The following WIPI2 variants were observed in gnomAD, a reference collection of about 807,000 sequenced individuals.
The protein encoded by WIPI2 is WD repeat domain, phosphoinositide interacting 2.
In WIPI2, 28 loss-of-function variants were observed where a neutral mutation model predicts 52.3. The observed-to-expected ratio is 0.54, with a 90% CI of 0.40 to 0.73. WIPI2 has a LOEUF of 0.73. WIPI2 is among the 30% of genes least tolerant of loss of function. WIPI2 has a pLI of 0.00. For synonymous variants in WIPI2, 268 were observed against 245.0 expected (o/e 1.09, Z -0.88); for missense variants, 506 against 602.9 (o/e 0.84, Z 1.68).
intron 12 of WIPI2, among the ~76,000 whole-genome samples, 191 bp downstream of exon 12, chr7:5,229,929 CTTTTTTT>C (rs548650698): frequency 7.3e-6 from 1 of 137,900 alleles, no homozygotes. Context: ...GTTTCGTTTC[CTTTTTTT>C]TTTTTTTTTT....
chr7:5,227,156 G>A lies in WIPI2; in HGVS notation c.849-24G>A. ...CCCCCCAGGGAGGGTGCAGCTTCAT[G>A]TGTCTGGTGGCCTTTCCTTCCAGAC... On this transcript the variant is annotated intron_variant, in intron 9 of 12. Transcript: ENST00000288828. This position sits in a 1 kb window ranked among gnomAD's most constrained non-coding sequence, Gnocchi z 8.1. 1 of 1,613,384 alleles carries A rather than the reference G, an allele frequency of 6.2e-7. No homozygotes were observed. The highest frequency in any genetic ancestry group is 8.5e-7 in the Non-Finnish European group (1 of 1,179,864).
chr7:5,219,064 C>CTGTA (rs1782961023), intron 7 of WIPI2: 5 of 152,354 alleles, frequency 3.3e-5, no homozygotes, highest in African/African-American at 1.2e-4. Flanking sequence ...TCTTCAGTCT[C>CTGTA]ACACCCGAGT....
intron 7 of WIPI2, 129 bp from the exon 8 acceptor site, chr7:5,222,473 A>C (rs111974990): frequency 2.0e-5 from 19 of 945,756 alleles, no homozygotes; most frequent in Non-Finnish European, 2.9e-5. Flanking sequence ...GGGACCCCAG[A>C]CTCCTTGGTG....
chr7:5,203,770 C>T (rs1403211496), intron 3 of WIPI2, among the ~76,000 whole-genome samples: 1 of 149,096 alleles, frequency 6.7e-6, no homozygotes, highest in Non-Finnish European at 1.5e-5. Context: ...GTAGCGCCAC[C>T]ATGCCCGGCT....
intron 4 of WIPI2, 72 bp downstream of exon 4, chr7:5,214,776 C>G (rs927723053): frequency 1.3e-6 from 2 of 1,534,068 alleles, no homozygotes; most frequent in Non-Finnish European, 1.8e-6. Context: ...GCCCACCCCA[C>G]CGGCATGCCC....
chr7:5,228,780 G>GAGC (rs1490607446), intron 11 of WIPI2, among the ~76,000 whole-genome samples: 1 of 152,178 alleles, frequency 6.6e-6, no homozygotes, highest in Non-Finnish European at 1.5e-5. Flanking sequence ...CCAGGCTGGA[G>GAGC]AGCAGTGGTG....
intron 2 of WIPI2, chr7:5,193,375 T>C: frequency 7.4e-7 from 1 of 1,357,200 alleles, no homozygotes; most frequent in Non-Finnish European, 9.6e-7. Flanking sequence ...CTGTTTTAAA[T>C]GCCATGTCTA....
In WIPI2 at chr7:5,193,195, A is replaced by G. The variant is rs768328047; in HGVS notation, c.128+24A>G. 6.2e-6 allele frequency: 10 copies of G among 1,611,828 alleles called. No individual in the cohort carries two copies. The South Asian group carries it at 1.1e-4, about 18-fold the overall frequency. On this transcript the variant is annotated intron_variant, in intron 2 of 12. Coordinates refer to ENST00000288828, the MANE Select transcript of WIPI2 (RefSeq NM_015610.4). ...TGGTTAGTTCCAACCCTGGTTTCTG[A>G]AAGTATCACCTTGGAAGGCTTATGT...
At chr7:5,196,674 T>C (rs1781757773) in intron 2 of WIPI2, among the ~76,000 whole-genome samples, 1 of 152,152 alleles carries the variant, frequency 6.6e-6, no homozygotes, top group African/African-American at 2.4e-5. Flanking sequence ...AAGCTCATTT[T>C]ATACATAATG....
At chr7:5,226,261 C>G in intron 9 of WIPI2, 1 of 284,108 alleles carries the variant, frequency 3.5e-6, no homozygotes, top group East Asian at 8.3e-5. Context: ...ATCAGACAGC[C>G]CACTAGGGTG....
rs549020029 is a variant in WIPI2, at chr7:5,232,645, G to A, written c.*1698G>A. 16 of 241,488 alleles carry A rather than the reference G, an allele frequency of 6.6e-5. No individual in the cohort carries two copies. Among genetic ancestry groups the A allele is most frequent in the East Asian group, 2.3e-4 (3 of 13,144 alleles). The allele number at this position is 241,488 out of a possible 1,614,324, so 15.0% of individuals were successfully genotyped here. The stretch of plus-strand genomic sequence containing the variant: ...GCGGCAGCACGCAGCCTTGACCCAC[G>A]CCTGCGTCTTGTGGTGCAAGGCCAG... On this transcript the variant is annotated 3_prime_UTR_variant, in exon 13 of 13. Coordinates refer to ENST00000288828, the MANE Select transcript of WIPI2 (RefSeq NM_015610.4).
At chr7:5,205,096 C>T (rs1451799227) in intron 3 of WIPI2, among the ~76,000 whole-genome samples, 2 of 152,152 alleles carry the variant, frequency 1.3e-5, no homozygotes, top group African/African-American at 4.8e-5. Context: ...CTGCCTCAGC[C>T]TCCCAAGGAG....
intron 1 of WIPI2, 188 bp downstream of exon 1, chr7:5,190,681 G>A: frequency 2.2e-6 from 1 of 460,790 alleles, no homozygotes; most frequent in East Asian, 3.8e-5. Context: ...AGACCCTCGG[G>A]TGCTGGCCTG....
chr7:5,225,885 A>G lies in WIPI2; in HGVS notation c.803A>G (p.Asn268Ser). 1.2e-6 allele frequency: 2 copies of G among 1,614,008 alleles called. No homozygotes were observed. Among genetic ancestry groups the G allele is most frequent in the Non-Finnish European group, 1.7e-6 (2 of 1,179,998 alleles). The change falls in exon 9 of 13, where the codon AAC becomes AGC. Residue 268 changes from asparagine to serine, a missense_variant. Physicochemically the swap from Asn to Ser is conservative, Grantham distance 46. Around this residue, in one of 4 missense-constraint regions of WIPI2, gnomAD observed 237 missense variants for 346.9 expected, o/e 0.68. Coordinates refer to ENST00000288828, the MANE Select transcript of WIPI2 (RefSeq NM_015610.4). ...GGCATGTTCCTCTCCGCCTCCAGCA[A>G]CACTGAGACCGTGCACATCTTCAAA... The part of the protein sequence containing the change: ...MDGMFLSASS[N>S]TETVHIFKLE...
chr7:5,207,269 G>A (rs1215712712), intron 3 of WIPI2, among the ~76,000 whole-genome samples: 1 of 152,148 alleles, frequency 6.6e-6, no homozygotes, highest in Admixed American at 6.5e-5. Context: ...CCCTATCAAG[G>A]TTTACCATCA....
rs778002806 is a variant in WIPI2 at position 5,226,031 on chromosome 7, A to AG, written c.848+101_848+102insG. The AG allele has an allele frequency of 5.1e-4, 597 of 1,175,198 alleles. 1 individual carries two copies. Among genetic ancestry groups the AG allele is most frequent in the Non-Finnish European group, 6.7e-4 (556 of 826,230 alleles). 72.8% of individuals were successfully genotyped at this position (1,175,198 alleles called of 1,614,324 possible). On this transcript the variant is annotated intron_variant, in intron 9 of 12. Transcript: ENST00000288828. ...AGCACGGACCCGCCCACCCTCTGACATCGTTAGCCAGTGAAGACCCCGGAG... is the reference window on the plus strand; with the variant it reads ...AGCACGGACCCGCCCACCCTCTGACAGTCGTTAGCCAGTGAAGACCCCGGAG...
At chr7:5,201,472 A>G (rs1782022485) in intron 3 of WIPI2, among the ~76,000 whole-genome samples, 1 of 152,228 alleles carries the variant, frequency 6.6e-6, no homozygotes, top group South Asian at 2.1e-4. Context: ...GGCCGGGCGC[A>G]GTGGCTCACG....
intron 7 of WIPI2, among the ~76,000 whole-genome samples, chr7:5,220,960 ATTTTT>A (rs11361126): frequency 9.3e-6 from 1 of 107,552 alleles, no homozygotes; most frequent in Non-Finnish European, 1.8e-5. Context: ...CACCCACCTA[ATTTTT>A]TTTTTTTTTT....
At position 5,232,121 on chromosome 7, in the gene WIPI2, G is replaced by T; in HGVS notation, c.*1174G>T. ...AGGCACCCAGCAGCCAAAGTGTCGA[G>T]GGCATTTAAGTGGCATTAATGGCAG... is the stretch of plus-strand genomic sequence containing the variant. On this transcript the variant is annotated 3_prime_UTR_variant, in exon 13 of 13. Transcript: ENST00000288828. The T allele has an allele frequency of 2.5e-6, 1 of 398,966 alleles. No homozygotes were observed. Among genetic ancestry groups the T allele is most frequent in the South Asian group, 1.3e-4 (1 of 7,806 alleles). The allele number at this position is 398,966 out of a possible 1,614,324, so 24.7% of individuals were successfully genotyped here. A position where few individuals can be genotyped will look rare whatever the true frequency, so the allele number is the denominator to read the frequency against.
Sources: allele counts gnomAD v4.1 joint callset (sites outside exome capture counted in the v4.1 genomes callset), GRCh38; gene constraint gnomAD v4.1.1; regional missense constraint gnomAD v4.1.1; non-coding constraint Gnocchi (gnomAD v3.1); transcripts MANE v1.5; gene names NCBI Gene and HGNC (gene_info 2026-07-23, HGNC 2026-07-21).